RIT2: variants seen among roughly 807,000 people sequenced by gnomAD.
RIT2 encodes the protein GTP-binding protein Rit2.
RIT2 carries 24 observed loss-of-function variants against 23.7 expected under a neutral mutation model. The observed-to-expected ratio is 1.01, with a 90% CI of 0.73 to 1.43. The LOEUF is 1.43. Among genes scored for constraint, RIT2 ranks in the 40% most tolerant of loss-of-function variants. The pLI, the probability that RIT2 is intolerant of heterozygous loss-of-function variation, is 0.00. For missense variants in RIT2, 236 were observed against 266.9 expected (o/e 0.88, Z 0.81); for synonymous variants, 107 against 91.1 (o/e 1.17, Z -0.99).
intron 2 of RIT2, among the ~76,000 whole-genome samples, chr18:42,975,886 T>C (rs576688949): frequency 1.3e-5 from 2 of 152,108 alleles, no homozygotes; most frequent in Non-Finnish European, 2.9e-5. Context: ...TCAAGATCTT[T>C]CTTCTATTTT....
At chr18:42,814,901 G>A (rs1190521512) in intron 4 of RIT2, among the ~76,000 whole-genome samples, 4 of 152,136 alleles carry the variant, frequency 2.6e-5, no homozygotes, top group Non-Finnish European at 5.9e-5. Context: ...CGTGCTGGGT[G>A]GCTAGATCCA....
intron 4 of RIT2, among the ~76,000 whole-genome samples, chr18:42,806,495 T>A (rs1223982461): frequency 6.6e-6 from 1 of 151,980 alleles, no homozygotes; most frequent in African/African-American, 2.4e-5. Flanking sequence ...AAAAAAGAAT[T>A]TATTTTTACT....
At chr18:42,854,115 T>C (rs575259884) in intron 4 of RIT2, among the ~76,000 whole-genome samples, 23 of 152,324 alleles carry the variant, frequency 1.5e-4, no homozygotes, top group South Asian at 1.2e-3. Flanking sequence ...ATAAATATGA[T>C]GTAAACTCCT....
intron 4 of RIT2, among the ~76,000 whole-genome samples, chr18:42,815,863 T>C (rs2143984176): frequency 6.6e-6 from 1 of 152,252 alleles, no homozygotes; most frequent in Admixed American, 6.5e-5. Context: ...ATTTGACACA[T>C]TAATGTATGT....
At chr18:42,974,028 C>G in intron 3 of RIT2, 46 bp downstream of exon 3, 1 of 1,249,300 alleles carries the variant, frequency 8.0e-7, no homozygotes, top group Non-Finnish European at 1.2e-6. Context: ...GAAGCTAAAG[C>G]ATAAAATAAA....
intron 2 of RIT2, among the ~76,000 whole-genome samples, chr18:42,989,817 A>G (rs1386636720): frequency 1.3e-5 from 2 of 152,350 alleles, no homozygotes; most frequent in South Asian, 4.1e-4. Context: ...AATTTAAAAT[A>G]TAATACAAGT....
chr18:42,794,644 C>T (rs1224105202), intron 4 of RIT2, among the ~76,000 whole-genome samples: 1 of 152,164 alleles, frequency 6.6e-6, no homozygotes, highest in Non-Finnish European at 1.5e-5. Flanking sequence ...AAATATTTCA[C>T]ATGGATGTCT....
Position 42,950,235 on chromosome 18 carries a change from C to T in RIT2, c.234+23839G>A, listed in dbSNP as rs150906857. Among the ~76,000 whole-genome samples the T allele has an allele frequency of 2.3e-3, 354 of 151,966 alleles. 3 individuals are homozygous for T. The highest frequency in any genetic ancestry group is 8.1e-3 in the African/African-American group (334 of 41,452). ...TAGACAAATGGAACAGGATAGAGAG[C>T]CCGGAAATAAAGCTGCACACCTACA... On this transcript the variant is annotated intron_variant, in intron 3 of 4. Coordinates refer to ENST00000326695, the MANE Select transcript of RIT2 (RefSeq NM_002930.4).
intron 4 of RIT2, among the ~76,000 whole-genome samples, chr18:42,875,371 T>C (rs927151700): frequency 3.0e-4 from 45 of 151,684 alleles, no homozygotes; most frequent in African/African-American, 9.7e-4. Flanking sequence ...ACCTACTTCA[T>C]AGAATTTTTG....
rs1260390627 is a variant in RIT2, at chr18:42,777,945, C to T, written c.427-34225G>A. On this transcript the variant is annotated intron_variant, in intron 4 of 4. Transcript: ENST00000326695. Reference sequence around the variant, plus strand: ...AAAATGATCATCAATAAGTAAAGAACACTTGCAACATAGTAACTCCAATTT... The same window carrying T: ...AAAATGATCATCAATAAGTAAAGAATACTTGCAACATAGTAACTCCAATTT... Among the ~76,000 whole-genome samples, 3 of 152,130 alleles carry T rather than the reference C, an allele frequency of 2.0e-5. No homozygotes were observed. In the South Asian group the frequency reaches 6.2e-4, roughly 32 times the overall value.
intron 2 of RIT2, among the ~76,000 whole-genome samples, chr18:42,991,039 A>C (rs529535781): frequency 1.3e-5 from 2 of 151,922 alleles, no homozygotes; most frequent in African/African-American, 4.8e-5. Flanking sequence ...AGCTTAAATT[A>C]ATACTCAGAT....
chr18:42,944,007 T>G (rs921393020), intron 3 of RIT2, among the ~76,000 whole-genome samples: 3 of 152,148 alleles, frequency 2.0e-5, no homozygotes, highest in African/African-American at 7.2e-5. Flanking sequence ...CCTAGCTGCT[T>G]TTCCTGCCCC....
At chr18:42,792,019 G>A (rs76296333) in intron 4 of RIT2, among the ~76,000 whole-genome samples, 1 of 152,304 alleles carries the variant, frequency 6.6e-6, no homozygotes, top group East Asian at 1.9e-4. Flanking sequence ...GGAAGGATAG[G>A]ACTTTGGATC....
chr18:43,009,699 A>G (rs1403279812), intron 2 of RIT2, among the ~76,000 whole-genome samples: 1 of 151,714 alleles, frequency 6.6e-6, no homozygotes, highest in Non-Finnish European at 1.5e-5. Flanking sequence ...ATTTATGTTT[A>G]ATTCTAAAAC....
At chr18:42,880,854 C>T (rs1468948747) in intron 4 of RIT2, among the ~76,000 whole-genome samples, 1 of 136,634 alleles carries the variant, frequency 7.3e-6, no homozygotes, top group Non-Finnish European at 1.5e-5. Context: ...GTTGCTCAGG[C>T]TGGAGTGCAA....
At chr18:43,085,086 T>A (rs1007760091) in intron 1 of RIT2, among the ~76,000 whole-genome samples, 2 of 152,020 alleles carry the variant, frequency 1.3e-5, no homozygotes, top group African/African-American at 4.8e-5. Context: ...TTTGAGGAAA[T>A]GCTGTAGTGG....
intron 3 of RIT2, among the ~76,000 whole-genome samples, chr18:42,972,098 T>G (rs1945006): frequency 0.99 from 150,923 of 151,944 alleles, 74,956 homozygotes; most frequent in East Asian, 1. Flanking sequence ...TTTTATTTGA[T>G]CATTTTAGTT....
chr18:43,106,651 C>T (rs75152748), intron 1 of RIT2, among the ~76,000 whole-genome samples: 7,264 of 152,208 alleles, frequency 0.048, 218 homozygotes, highest in South Asian at 0.11. Flanking sequence ...GCTTTACATC[C>T]TTCATGCATA....
intron 4 of RIT2, among the ~76,000 whole-genome samples, chr18:42,815,034 C>G (rs1905956260): frequency 6.6e-6 from 1 of 152,132 alleles, no homozygotes; most frequent in South Asian, 2.1e-4. Context: ...GCCTTCAGCC[C>G]TAGACCGTTT....
Sources: allele counts gnomAD v4.1 joint callset (sites outside exome capture counted in the v4.1 genomes callset), GRCh38; gene constraint gnomAD v4.1.1; transcripts MANE v1.5; gene names NCBI Gene and HGNC (gene_info 2026-07-23, HGNC 2026-07-21).